Variants in ANO2 observed in about 807,000 individuals in gnomAD.
The protein encoded by ANO2 is anoctamin-2.
Under a neutral mutation model 124.2 loss-of-function variants are expected in ANO2, and 101 were observed. That is an observed-to-expected ratio of 0.81 (90% confidence interval 0.69 to 0.96). ANO2 has a LOEUF of 0.96. ANO2 is among the 40% of genes least tolerant of loss of function. ANO2 has a pLI of 0.00. For synonymous variants in ANO2, 486 were observed against 482.5 expected, an observed-to-expected ratio of 1.01 and a Z score of -0.09; for missense variants, 1,293 against 1,274.5, an observed-to-expected ratio of 1.01 and a Z score of -0.22.
intron 3 of ANO2, among the ~76,000 whole-genome samples, chr12:5,874,140 A>G (rs1937929528): frequency 1.3e-5 from 2 of 152,214 alleles, no homozygotes; most frequent in African/African-American, 2.4e-5. Flanking sequence ...AGAGGCTAGG[A>G]AAAAAGACCA....
At chr12:5,740,000 T>C in intron 12 of ANO2, 4 of 455,802 alleles carry the variant, frequency 8.8e-6, no homozygotes, top group Non-Finnish European at 1.8e-5. Context: ...TCCATTTGCT[T>C]AGCAAATAGT....
At chr12:5,746,017 G>A (rs994750625) in intron 11 of ANO2, among the ~76,000 whole-genome samples, 1 of 152,154 alleles carries the variant, frequency 6.6e-6, no homozygotes, top group Non-Finnish European at 1.5e-5. Context: ...AGTAAAAGAC[G>A]TTCGCTTTTA....
In ANO2 at chr12:5,642,942, C is replaced by T. The variant is rs1946454460; in HGVS notation, c.1620+4785G>A. Among the ~76,000 whole-genome samples, 4 of 152,138 alleles carry T rather than the reference C, an allele frequency of 2.6e-5. 1 individual carries two copies. In the South Asian group the frequency reaches 6.2e-4, roughly 24 times the overall value. ...TAGAATATCCATGTGGCTGGCTCCT[C>T]CACCTCCTCCAGATCCTTGATAAAA... On this transcript the variant is annotated intron_variant, in intron 15 of 24. Transcript: ENST00000682330.
chr12:5,724,943 G>T (rs1404260180), intron 14 of ANO2, among the ~76,000 whole-genome samples: 1 of 152,066 alleles, frequency 6.6e-6, no homozygotes, highest in Non-Finnish European at 1.5e-5. Context: ...ACCTACATTT[G>T]CCATTAGCCC....
In ANO2 at chr12:5,918,112, C is replaced by T. The variant is rs182542241; in HGVS notation, c.534+2928G>A. Among the ~76,000 whole-genome samples, 15 of 152,192 alleles carry T rather than the reference C, an allele frequency of 9.9e-5. No homozygotes were observed. In the East Asian group the frequency reaches 1.9e-3, roughly 20 times the overall value. On this transcript the variant is annotated intron_variant, in intron 3 of 24. Transcript: ENST00000682330. ...CTCCCACATTGGTAAGTTCCTGGAG[C>T]GAGAATGCATCTTCACCTTGGAGAG... is the stretch of plus-strand genomic sequence containing the variant.
intron 10 of ANO2, among the ~76,000 whole-genome samples, chr12:5,758,395 T>C (rs574443384): frequency 4.9e-4 from 74 of 152,238 alleles, no homozygotes; most frequent in East Asian, 3.9e-3. Context: ...AAGACTGAGA[T>C]AGGCATGAGA....
intron 15 of ANO2, among the ~76,000 whole-genome samples, chr12:5,647,435 C>A (rs917962005): frequency 2.0e-5 from 3 of 152,210 alleles, no homozygotes; most frequent in African/African-American, 7.2e-5. Context: ...CACCCCACAG[C>A]CCAAACAGGC....
At chr12:5,783,997 C>G (rs1952473796) in intron 10 of ANO2, among the ~76,000 whole-genome samples, 1 of 152,220 alleles carries the variant, frequency 6.6e-6, no homozygotes, top group African/African-American at 2.4e-5. Context: ...ATCACTTTAG[C>G]TGAGTAGCCA....
chr12:5,612,816 G>A, intron 18 of ANO2, 60 bp from the exon 19 acceptor site: 3 of 1,609,570 alleles, frequency 1.9e-6, no homozygotes, highest in Non-Finnish European at 2.6e-6. Context: ...GAGAAGCAGG[G>A]GCGCGAATGA....
chr12:5,728,998 T>C (rs931333965), intron 14 of ANO2, among the ~76,000 whole-genome samples: 1 of 152,206 alleles, frequency 6.6e-6, no homozygotes, highest in African/African-American at 2.4e-5. Context: ...AAATGGATCA[T>C]AGGCCTAACT....
chr12:5,569,772 T>C (rs1591640129), intron 23 of ANO2, among the ~76,000 whole-genome samples: 4 of 152,290 alleles, frequency 2.6e-5, no homozygotes, highest in Non-Finnish European at 1.5e-5. Context: ...AGAAAGACAC[T>C]GTGAGAATTA....
chr12:5,926,851 C>T (rs932517325), intron 1 of ANO2, among the ~76,000 whole-genome samples: 2 of 152,172 alleles, frequency 1.3e-5, no homozygotes, highest in Admixed American at 6.5e-5. Context: ...CACCCTGCCC[C>T]AAGACAAACC....
intron 14 of ANO2, among the ~76,000 whole-genome samples, chr12:5,716,804 G>A (rs1183955029): frequency 2.6e-5 from 4 of 152,146 alleles, no homozygotes; most frequent in Non-Finnish European, 5.9e-5. Flanking sequence ...CTGGGCCATT[G>A]ATGGGCAGAA....
At chr12:5,830,544 A>C (rs1954118257) in intron 5 of ANO2, 55 bp from the exon 6 acceptor site, 2 of 1,509,930 alleles carry the variant, frequency 1.3e-6, no homozygotes, top group Non-Finnish European at 1.8e-6. Flanking sequence ...TTGCCCTGAG[A>C]CCACTGCCAC....
At chr12:5,726,218 T>C (rs1950432981) in intron 14 of ANO2, among the ~76,000 whole-genome samples, 1 of 152,170 alleles carries the variant, frequency 6.6e-6, no homozygotes, top group Non-Finnish European at 1.5e-5. Flanking sequence ...TCTATACCTA[T>C]ATTTATATTC....
At chr12:5,648,336 C>T (rs1032115138) in intron 14 of ANO2, among the ~76,000 whole-genome samples, 1 of 152,178 alleles carries the variant, frequency 6.6e-6, no homozygotes, top group African/African-American at 2.4e-5. Context: ...GTGCAAATTA[C>T]CCACAATTTT....
At chr12:5,677,490 C>T (rs1948299317) in intron 14 of ANO2, among the ~76,000 whole-genome samples, 1 of 152,174 alleles carries the variant, frequency 6.6e-6, no homozygotes, top group African/African-American at 2.4e-5. Flanking sequence ...AACAAACTTG[C>T]AGAAAGGGGA....
intron 23 of ANO2, among the ~76,000 whole-genome samples, chr12:5,575,001 C>G (rs765322564): frequency 6.6e-6 from 1 of 152,144 alleles, no homozygotes; most frequent in Non-Finnish European, 1.5e-5. Context: ...TCACCTAGCA[C>G]CAAGTCTTTA....
At chr12:5,818,797 G>T (rs1289753073) in intron 7 of ANO2, among the ~76,000 whole-genome samples, 1 of 152,100 alleles carries the variant, frequency 6.6e-6, no homozygotes, top group Non-Finnish European at 1.5e-5. Context: ...GGAGATTAGT[G>T]ACTCTGTACA....
Sources: gnomAD v4.1 joint callset for allele counts (sites outside exome capture counted in the v4.1 genomes callset) on GRCh38, gnomAD v4.1.1 for gene constraint, MANE v1.5 for transcripts, NCBI Gene and HGNC (gene_info 2026-07-23, HGNC 2026-07-21) for gene names.